The following ARRDC2 variants were observed in gnomAD, a reference collection of about 807,000 sequenced individuals.
The protein encoded by ARRDC2 is arrestin domain-containing protein 2.
A neutral mutation model predicts 38.9 loss-of-function variants in ARRDC2; 39 were observed. The ratio of observed to expected loss-of-function variants is 1.00; its 90% CI spans 0.78 to 1.31. ARRDC2 has a LOEUF of 1.31. Among genes scored for constraint, ARRDC2 ranks in the 50% most tolerant of loss-of-function variants. The pLI, the probability that ARRDC2 is intolerant of heterozygous loss-of-function variation, is 0.00. For missense variants in ARRDC2, 553 were observed against 588.4 expected (o/e 0.94, Z 0.62); for synonymous variants, 300 against 261.9 (o/e 1.15, Z -1.41).
intron 7 of ARRDC2, among the ~76,000 whole-genome samples, chr19:18,011,951 TA>T (rs1194616242): frequency 0.012 from 605 of 51,096 alleles, 7 homozygotes; most frequent in African/African-American, 0.046. Context: ...TATATATATA[TA>T]TTTTTTTTTT....
In ARRDC2 at chr19:18,008,583, A is replaced by C; in HGVS notation, c.273A>C (p.Pro91=). ...GCCACCGCGCCACGCTCCTGGCGCCAGGTACGGATGGAGGACCCCTGCTCC... is the reference window on the plus strand; with the variant it reads ...GCCACCGCGCCACGCTCCTGGCGCCCGGTACGGATGGAGGACCCCTGCTCC... The part of the protein sequence containing the change: ...VVSHRATLLA[P]DTGETTTLPP... The change falls in exon 1 of 8, where the codon CCA becomes CCC. Residue 91 remains proline (P), a splice_region_variant and synonymous_variant. Coordinates refer to ENST00000222250, the MANE Select transcript of ARRDC2 (RefSeq NM_015683.2). 1 of 1,588,344 alleles carries C rather than the reference A, an allele frequency of 6.3e-7. No homozygotes were observed. The highest frequency in any genetic ancestry group is 8.5e-7 in the Non-Finnish European group (1 of 1,174,594).
At chr19:18,006,635 G>A (rs886877096), upstream of ARRDC2, among the ~76,000 whole-genome samples, 12 of 151,890 alleles carry the variant, frequency 7.9e-5, no homozygotes, top group Non-Finnish European at 1.5e-4. Context: ...GAGACCAAGG[G>A]GAGAGGGAGA....
rs2033356856 is a variant in ARRDC2 at position 18,009,427 on chromosome 19, A to G, written c.490-165A>G. ...TACATTTCATTTCTGGCTTTATAAG[A>G]TGGGTTGTGTTCCTGGCTCTATTTA... On this transcript the variant is annotated intron_variant, in intron 3 of 7. Transcript: ENST00000222250. The G allele has an allele frequency of 1.0e-5, 7 of 670,694 alleles. No individual in the cohort carries two copies. In the South Asian group the frequency reaches 1.2e-4, roughly 11 times the overall value. The allele number at this position is 670,694 out of a possible 1,614,324, so 41.5% of individuals were successfully genotyped here. A position where few individuals can be genotyped will look rare whatever the true frequency, so the allele number is the denominator to read the frequency against.
In ARRDC2 at chr19:18,009,614, A is replaced by G; in HGVS notation, c.512A>G (p.Glu171Gly). 1 of 1,603,464 alleles carries G rather than the reference A, an allele frequency of 6.2e-7. No homozygotes were observed. Among genetic ancestry groups the G allele is most frequent in the Admixed American group, 1.7e-5 (1 of 59,168 alleles). The change falls in exon 4 of 8, where the codon GAA becomes GGA. Residue 171 changes from glutamate to glycine, a missense_variant. This residue lies in a region of ARRDC2 where 447 missense variants were observed against 456.6 expected (regional missense o/e 0.98). Transcript: ENST00000222250. ...ALLAPQAGAR[E>G]KVARSWYCNR... ...CAGGCACCTCAAGCGGGGGCTCGGG[A>G]AAAGGTTGCCCGATCCTGGTACTGT...
chr19:18,010,791 G>T, intron 7 of ARRDC2, 62 bp downstream of exon 7: 1 of 1,557,296 alleles, frequency 6.4e-7, no homozygotes. Flanking sequence ...TTGATGGGGT[G>T]GCAGACATAG....
upstream of ARRDC2, among the ~76,000 whole-genome samples, chr19:18,005,965 G>A (rs577621313): frequency 9.2e-5 from 14 of 151,672 alleles, 1 homozygote; most frequent in South Asian, 1.9e-3. Flanking sequence ...CGGCCGGGCC[G>A]AGGCTCTCCT....
At chr19:18,005,744 G>T (rs2033261557), upstream of ARRDC2, among the ~76,000 whole-genome samples, 1 of 151,934 alleles carries the variant, frequency 6.6e-6, no homozygotes, top group South Asian at 2.1e-4. Context: ...CCTCCCAGAC[G>T]GGGCGACTGG....
upstream of ARRDC2, among the ~76,000 whole-genome samples, chr19:18,005,803 G>A (rs1273261897): frequency 3.3e-5 from 5 of 151,630 alleles, no homozygotes; most frequent in Admixed American, 2.6e-4. Flanking sequence ...GGTGGCTGCC[G>A]GGCGGAGAAG....
Position 18,013,186 on chromosome 19 carries a change from T to C in ARRDC2, c.*220T>C. 1 of 575,494 alleles carries C rather than the reference T, an allele frequency of 1.7e-6. No homozygotes were observed. The highest frequency in any genetic ancestry group is 3.1e-5 in the Admixed American group (1 of 31,824). 35.6% of individuals were successfully genotyped at this position (575,494 alleles called of 1,614,324 possible). A position where few individuals can be genotyped will look rare whatever the true frequency, so the allele number is the denominator to read the frequency against. On this transcript the variant is annotated 3_prime_UTR_variant, in exon 8 of 8. Transcript: ENST00000222250. ...ACCGCTGTCCTTGTGAGGCATTGAA[T>C]GCCCAGTGCAGTATCCGAGAGACTG...
intron 3 of ARRDC2, 76 bp from the exon 4 acceptor site, chr19:18,009,516 G>A (rs925866113): frequency 1.5e-6 from 2 of 1,330,342 alleles, no homozygotes; most frequent in East Asian, 2.3e-5. Context: ...CTCAGCTGGG[G>A]GTGGTTTGGA....
In ARRDC2 at chr19:18,009,644, G is replaced by A. The variant is rs17852061; in HGVS notation, c.542G>A (p.Arg181His). The A allele has an allele frequency of 5.0e-6, 8 of 1,610,926 alleles. No individual in the cohort carries two copies. The highest frequency in any genetic ancestry group is 1.1e-5 in the South Asian group (1 of 90,978). The change falls in exon 4 of 8, where the codon CGT becomes CAT. Residue 181 changes from arginine to histidine, a missense_variant. Physicochemically the swap from Arg to His is conservative, Grantham distance 29 (BLOSUM62 0). This residue lies in a region of ARRDC2 where 447 missense variants were observed against 456.6 expected (regional missense o/e 0.98). Transcript: ENST00000222250. ...GTTGCCCGATCCTGGTACTGTAACC[G>A]TGGCCTAGTCTCCCTTTCGGCCAAG... is the stretch of plus-strand genomic sequence containing the variant. ...EKVARSWYCN[R>H]GLVSLSAKID...
chr19:18,008,505 G>A lies in ARRDC2; in HGVS notation c.195G>A (p.Ala65=), dbSNP rs775184392. ...TGCACTGGACCGAGTCGCGCAGCGCGGGCTCGAGCACGGCTTACACGCAGA... is the reference window on the plus strand; with the variant it reads ...TGCACTGGACCGAGTCGCGCAGCGCAGGCTCGAGCACGGCTTACACGCAGA... ...AHVHWTESRS[A]GSSTAYTQSY... The change falls in exon 1 of 8, where the codon GCG becomes GCA. Residue 65 remains alanine, a synonymous_variant. Transcript: ENST00000222250. 2.3e-5 allele frequency: 35 copies of A among 1,531,986 alleles called. No homozygotes were observed. Among genetic ancestry groups the A allele is most frequent in the South Asian group, 1.8e-4 (15 of 84,540 alleles). 94.9% of individuals were successfully genotyped at this position (1,531,986 alleles called of 1,614,324 possible).
chr19:18,008,116 A>ACCCCCCCCCCCCCCCCCCCCC, upstream of ARRDC2: 7 of 522,498 alleles, frequency 1.3e-5, no homozygotes, highest in African/African-American at 2.8e-5. Context: ...AGAGACGGTG[A>ACCCCCCCCCCCCCCCCCCCCC]CCCCACCCCC....
chr19:18,010,082 C>A (rs2033381597), intron 5 of ARRDC2, 43 bp downstream of exon 5: 1 of 1,604,930 alleles, frequency 6.2e-7, no homozygotes, highest in African/African-American at 1.3e-5. Context: ...CCTACATTCA[C>A]CCTGTATTCC....
chr19:18,001,729 G>A (rs2033191136), intron 1 of ARRDC2, among the ~76,000 whole-genome samples: 1 of 152,206 alleles, frequency 6.6e-6, no homozygotes, highest in Non-Finnish European at 1.5e-5. Flanking sequence ...CCCTCCCACA[G>A]GTCAGGAGTT....
chr19:18,008,433 C>T lies in ARRDC2; in HGVS notation c.123C>T (p.Ala41=), dbSNP rs1344763850. 4 of 1,586,868 alleles carry T rather than the reference C, an allele frequency of 2.5e-6. No individual in the cohort carries two copies. The highest frequency in any genetic ancestry group is 3.4e-6 in the Non-Finnish European group (4 of 1,174,372). Residue 41 remains alanine (A), a synonymous_variant, in exon 1 of 8, where the codon GCC becomes GCT. Coordinates refer to ENST00000222250, the MANE Select transcript of ARRDC2 (RefSeq NM_015683.2). The part of the protein sequence containing the change: ...AGRVLLELSS[A]ARVGALRLRA... ...GGGTGCTGCTGGAGCTGTCAAGCGCCGCGCGTGTGGGTGCCCTGAGGCTGC... is the reference window on the plus strand; with the variant it reads ...GGGTGCTGCTGGAGCTGTCAAGCGCTGCGCGTGTGGGTGCCCTGAGGCTGC...
upstream of ARRDC2, among the ~76,000 whole-genome samples, chr19:18,003,614 A>C (rs189424911): frequency 3.5e-3 from 505 of 142,832 alleles, 5 homozygotes; most frequent in African/African-American, 0.012. Context: ...GTGCCCGCCA[A>C]CACGCTGGCT....
In ARRDC2 at chr19:18,013,045, G is replaced by A; in HGVS notation, c.*79G>A. Reference sequence around the variant, plus strand: ...TGACTGTGGGGAGTGGCTGGACCAAGGGCTGACCTCCCCGACTGCATCAAA... The same window carrying A: ...TGACTGTGGGGAGTGGCTGGACCAAAGGCTGACCTCCCCGACTGCATCAAA... On this transcript the variant is annotated 3_prime_UTR_variant, in exon 8 of 8. Transcript: ENST00000222250. 1 of 1,481,346 alleles carries A rather than the reference G, an allele frequency of 6.8e-7. No individual in the cohort carries two copies. Among genetic ancestry groups the A allele is most frequent in the Non-Finnish European group, 9.3e-7 (1 of 1,070,924 alleles). The allele number at this position is 1,481,346 out of a possible 1,614,324, so 91.8% of individuals were successfully genotyped here. A position where few individuals can be genotyped will look rare whatever the true frequency, so the allele number is the denominator to read the frequency against.
upstream of ARRDC2, chr19:18,007,992 G>A (rs1393573487): frequency 1.1e-5 from 6 of 555,882 alleles, no homozygotes; most frequent in East Asian, 4.7e-5. Flanking sequence ...CCCGGGGTCC[G>A]CGAGGGAAGG....
Sources: gnomAD v4.1 joint callset for allele counts (sites outside exome capture counted in the v4.1 genomes callset) on GRCh38, gnomAD v4.1.1 for gene constraint, gnomAD v4.1.1 regional missense constraint, MANE v1.5 for transcripts, NCBI Gene and HGNC (gene_info 2026-07-23, HGNC 2026-07-21) for gene names.